ZNF106: variants seen among roughly 807,000 people sequenced by gnomAD.
The protein encoded by ZNF106 is SH3-domain binding protein 3.
ZNF106 carries 67 observed loss-of-function variants against 195.1 expected under a neutral mutation model. That is an observed-to-expected ratio of 0.34 (90% CI 0.28 to 0.42). The LOEUF (loss-of-function observed/expected upper bound fraction) is 0.42. Among genes scored for constraint, ZNF106 ranks in the 10% least tolerant of loss-of-function variants. The pLI is 1.00. For missense variants in ZNF106, 2,118 were observed against 2,304.5 expected (o/e 0.92, Z 1.66); for synonymous variants, 784 against 818.6 (o/e 0.96, Z 0.72).
intron 20 of ZNF106, among the ~76,000 whole-genome samples, chr15:42,419,028 C>G (rs1267187836): frequency 6.8e-6 from 1 of 147,866 alleles, no homozygotes; most frequent in East Asian, 2.0e-4. Flanking sequence ...GAGCTCGAGA[C>G]CAGCCTGGGC....
intron 1 of ZNF106, among the ~76,000 whole-genome samples, chr15:42,482,439 T>G (rs2056918514): frequency 6.6e-6 from 1 of 151,990 alleles, no homozygotes; most frequent in African/African-American, 2.4e-5. Context: ...TTGACTTTTG[T>G]TTTTTTACTT....
intron 1 of ZNF106, among the ~76,000 whole-genome samples, chr15:42,484,222 CCTT>C (rs1339128396): frequency 7.2e-5 from 11 of 152,138 alleles, no homozygotes; most frequent in Admixed American, 4.6e-4. Flanking sequence ...TTTGTAATAA[CCTT>C]CTTATCCTTC....
At position 42,413,673 on chromosome 15, in the gene ZNF106, A is replaced by G. The variant is rs903917233; in HGVS notation, c.*3631T>C. Reference sequence around the variant, plus strand: ...AAATAAAACCTGTGTTAAGCAAATAATCACTTAAACAGTAATAATATTGCC... The same window carrying G: ...AAATAAAACCTGTGTTAAGCAAATAGTCACTTAAACAGTAATAATATTGCC... On this transcript the variant is annotated 3_prime_UTR_variant, in exon 22 of 22. Transcript: ENST00000564754. 3.3e-5 allele frequency: 5 copies of G among 152,696 alleles called. No homozygotes were observed. The highest frequency in any genetic ancestry group is 1.2e-4 in the African/African-American group (5 of 41,470). 9.5% of individuals were successfully genotyped at this position (152,696 alleles called of 1,614,324 possible).
At chr15:42,459,622 C>G (rs908982753) in intron 3 of ZNF106, among the ~76,000 whole-genome samples, 1 of 152,168 alleles carries the variant, frequency 6.6e-6, no homozygotes, top group African/African-American at 2.4e-5. Context: ...AAGCAACACA[C>G]AAAGAAGTTA....
intron 12 of ZNF106, among the ~76,000 whole-genome samples, chr15:42,438,386 G>T (rs1240203766): frequency 6.6e-6 from 1 of 152,170 alleles, no homozygotes; most frequent in Non-Finnish European, 1.5e-5. Context: ...GCAAGACTCT[G>T]TTACAACCAG....
chr15:42,489,718 AC>A (rs1467218314), intron 1 of ZNF106, among the ~76,000 whole-genome samples: 1 of 152,186 alleles, frequency 6.6e-6, no homozygotes, highest in East Asian at 1.9e-4. Context: ...TTACAACAGT[AC>A]TAAGCTCTTA....
At chr15:42,426,047 C>T (rs1303890007) in intron 15 of ZNF106, among the ~76,000 whole-genome samples, 2 of 152,134 alleles carry the variant, frequency 1.3e-5, no homozygotes, top group Non-Finnish European at 2.9e-5. Flanking sequence ...AAGCAGAAAG[C>T]GACAGCTGGG....
chr15:42,443,737 CA>C (rs1258017746), intron 9 of ZNF106, among the ~76,000 whole-genome samples: 2 of 147,050 alleles, frequency 1.4e-5, no homozygotes, highest in Non-Finnish European at 1.5e-5. Flanking sequence ...CTCAAAAAAA[CA>C]AAAAAAAAGG....
rs2055681236 is a variant in ZNF106, at chr15:42,444,332, T to G, written c.3361-70A>C. 11 of 1,256,450 alleles carry G rather than the reference T, an allele frequency of 8.8e-6. No individual in the cohort carries two copies. In the South Asian group the frequency reaches 1.2e-4, roughly 14 times the overall value. 77.8% of individuals were successfully genotyped at this position (1,256,450 alleles called of 1,614,324 possible). A position where few individuals can be genotyped will look rare whatever the true frequency, so the allele number is the denominator to read the frequency against. ...AAGGTCCTCTAGGTCTCCCCATTTTTCTTCTATGTCCTGACCAAAAATCAG... is the reference window on the plus strand; with the variant it reads ...AAGGTCCTCTAGGTCTCCCCATTTTGCTTCTATGTCCTGACCAAAAATCAG... On this transcript the variant is annotated intron_variant, in intron 8 of 21. Coordinates refer to ENST00000564754, the MANE Select transcript of ZNF106 (RefSeq NM_001366845.3).
At chr15:42,462,100 G>C (rs535081944) in intron 3 of ZNF106, among the ~76,000 whole-genome samples, 2 of 152,270 alleles carry the variant, frequency 1.3e-5, no homozygotes, top group South Asian at 4.1e-4. Flanking sequence ...TGCGAAACCT[G>C]ACATTCCCAT....
chr15:42,438,207 C>G (rs1231939639), intron 12 of ZNF106, among the ~76,000 whole-genome samples: 1 of 151,932 alleles, frequency 6.6e-6, no homozygotes, highest in Non-Finnish European at 1.5e-5. Context: ...GCCAACATGA[C>G]GAAACCCTGT....
intron 20 of ZNF106, among the ~76,000 whole-genome samples, chr15:42,418,978 C>T (rs1295070772): frequency 6.7e-6 from 1 of 150,300 alleles, no homozygotes; most frequent in Admixed American, 6.6e-5. Context: ...GTAATCCCAG[C>T]ACTTTGGGAG....
At chr15:42,464,925 C>A (rs753704625) in intron 3 of ZNF106, among the ~76,000 whole-genome samples, 1 of 152,266 alleles carries the variant, frequency 6.6e-6, no homozygotes, top group Non-Finnish European at 1.5e-5. Flanking sequence ...AGCTCTCTTG[C>A]CTGCTGCCAT....
At chr15:42,425,876 A>G (rs1457448806) in intron 15 of ZNF106, 1 of 152,186 alleles carries the variant, frequency 6.6e-6, no homozygotes, top group African/African-American at 2.4e-5. Flanking sequence ...ATAGAAGCCT[A>G]ATTATATCAG....
At chr15:42,434,086 A>G (rs1479320354) in intron 14 of ZNF106, among the ~76,000 whole-genome samples, 1 of 152,110 alleles carries the variant, frequency 6.6e-6, no homozygotes, top group Non-Finnish European at 1.5e-5. Flanking sequence ...GCCTCAAGCA[A>G]TCCTCCTGCT....
Position 42,444,870 on chromosome 15 carries a change from G to T in ZNF106, c.3317C>A (p.Thr1106Lys). The T allele has an allele frequency of 6.2e-7, 1 of 1,614,174 alleles. No individual in the cohort carries two copies. The change falls in exon 8 of 22, where the codon ACA becomes AAA. Residue 1106 changes from threonine (T) to lysine (K), a missense_variant. By Grantham distance (78) the Thr-to-Lys change is moderately conservative. Transcript: ENST00000564754. ...TAGCCTCTGAACTTCCACATAAGCT[G>T]TCTGAAGGGCTGCACGGGCTTGCAG... ...NLLQARAALQ[T>K]AYVEVQRLLM... is the part of the protein sequence containing the mutation.
Position 42,449,851 on chromosome 15 carries a change from T to C in ZNF106, c.2421A>G (p.Ala807=). The change falls in exon 5 of 22, where the codon GCA becomes GCG. Residue 807 remains alanine (A), a synonymous_variant. Coordinates refer to ENST00000564754, the MANE Select transcript of ZNF106 (RefSeq NM_001366845.3). ...GTTCCCAGTTGACATTTCTCCGAGA[T>C]GCATTTAGAATCTGCCGTAGGGTTG... ...LKPTLRQILN[A]SRRNVNWEQV... The C allele has an allele frequency of 2.5e-6, 4 of 1,614,218 alleles. No individual in the cohort carries two copies. Among genetic ancestry groups the C allele is most frequent in the Non-Finnish European group, 3.4e-6 (4 of 1,180,034 alleles).
intron 9 of ZNF106, among the ~76,000 whole-genome samples, chr15:42,442,794 A>C (rs1567010924): frequency 6.8e-6 from 1 of 147,958 alleles, no homozygotes; most frequent in East Asian, 2.0e-4. Context: ...TATTGTTATT[A>C]TTTTTTTGAG....
At position 42,416,908 on chromosome 15, in the gene ZNF106, TAG is replaced by T. The variant is rs530204195; in HGVS notation, c.*394_*395del. On this transcript the variant is annotated 3_prime_UTR_variant, in exon 22 of 22. Transcript: ENST00000564754. ...AAACTTGTACTTAAAAGCCTGACTA[TAG>T]GTTTAAACCATCATAAGAACATAAA... 0.02 allele frequency: 3,097 copies of T among 157,204 alleles called. 113 individuals are homozygous for T. Among genetic ancestry groups the T allele is most frequent in the African/African-American group, 0.071 (2,945 of 41,718 alleles). The allele number at this position is 157,204 out of a possible 1,614,324, so 9.7% of individuals were successfully genotyped here.
Sources: gnomAD v4.1 joint callset for allele counts (sites outside exome capture counted in the v4.1 genomes callset) on GRCh38, gnomAD v4.1.1 for gene constraint, MANE v1.5 for transcripts, NCBI Gene and HGNC (gene_info 2026-07-23, HGNC 2026-07-21) for gene names.